The following KIF1A variants were observed in gnomAD, a reference collection of about 807,000 sequenced individuals.
The protein encoded by KIF1A is kinesin family member 1A.
In KIF1A, 46 loss-of-function variants were observed where a neutral mutation model predicts 227.3. The observed-to-expected ratio is 0.20, with a 90% confidence interval of 0.16 to 0.26. The LOEUF is 0.26. Ranked by LOEUF, KIF1A falls within the 10% of genes least tolerant of loss-of-function variation. KIF1A has a pLI of 1.00. For missense variants in KIF1A, 1,683 were observed against 2,485.9 expected (o/e 0.68, Z 6.87); for synonymous variants, 1,022 against 1,012.8 (o/e 1.01, Z -0.17).
At chr2:240,741,035 A>G (rs1346433209) in intron 35 of KIF1A, among the ~76,000 whole-genome samples, 2 of 151,878 alleles carry the variant, frequency 1.3e-5, no homozygotes, top group East Asian at 3.9e-4. Context: ...ACACTAATTC[A>G]GGTGCTTATC....
In KIF1A at chr2:240,770,041, G is replaced by A. The variant is rs759368226; in HGVS notation, c.1342-335C>T. On this transcript the variant is annotated intron_variant, in intron 15 of 48. Coordinates refer to ENST00000498729, the MANE Select transcript of KIF1A (RefSeq NM_001244008.2). ...GCTCAGCCCTCTTCAGGACATGGACGACACTGCCCAACATCAGCCTGGTCT... is the reference window on the plus strand; with the variant it reads ...GCTCAGCCCTCTTCAGGACATGGACAACACTGCCCAACATCAGCCTGGTCT... Among the ~76,000 whole-genome samples, 8 of 152,176 alleles carry A rather than the reference G, an allele frequency of 5.3e-5. No individual in the cohort carries two copies. In the South Asian group the frequency reaches 6.2e-4, roughly 12 times the overall value.
At chr2:240,721,690 T>C in intron 44 of KIF1A, 117 bp downstream of exon 44, 1 of 843,736 alleles carries the variant, frequency 1.2e-6, no homozygotes. Context: ...CTGAGACGTG[T>C]TCCTAGGAAA....
rs769104242 is a variant in KIF1A, at chr2:240,725,967, T to C, written c.4123-563A>G. 2 of 152,438 alleles carry C rather than the reference T, an allele frequency of 1.3e-5. No homozygotes were observed. Among genetic ancestry groups the C allele is most frequent in the Non-Finnish European group, 2.9e-5 (2 of 68,246 alleles). The allele number at this position is 152,438 out of a possible 1,614,324, so 9.4% of individuals were successfully genotyped here. A position where few individuals can be genotyped will look rare whatever the true frequency, so the allele number is the denominator to read the frequency against. On this transcript the variant is annotated intron_variant, in intron 39 of 48. Transcript: ENST00000498729. The surrounding 1 kb of genome is among the most constrained non-coding windows in gnomAD (Gnocchi z 5.8). ...GCAACCTCACCACCATCTGGTGAGATGGTCACACCATCCCCATGTGAAGCT... is the reference window on the plus strand; with the variant it reads ...GCAACCTCACCACCATCTGGTGAGACGGTCACACCATCCCCATGTGAAGCT...
chr2:240,765,872 G>A (rs559556299), intron 19 of KIF1A, 79 bp from the exon 20 acceptor site: 17 of 989,240 alleles, frequency 1.7e-5, no homozygotes, highest in East Asian at 1.2e-4. Flanking sequence ...CCTGGCCCCC[G>A]GGCATGGCCT....
intron 10 of KIF1A, among the ~76,000 whole-genome samples, chr2:240,776,456 C>T (rs1184678857): frequency 1.3e-5 from 2 of 152,244 alleles, no homozygotes; most frequent in East Asian, 3.8e-4. Flanking sequence ...TCCCTATGGT[C>T]CTGCAGAAGC....
chr2:240,786,592 G>C, intron 5 of KIF1A, 79 bp from the exon 6 acceptor site: 1 of 1,392,210 alleles, frequency 7.2e-7, no homozygotes, highest in East Asian at 2.3e-5. Flanking sequence ...CTGAGTGAGG[G>C]GGTAGGGGTC....
rs981057141 is a variant in KIF1A at position 240,736,332 on chromosome 2, C to T, written c.4007+731G>A. Among the ~76,000 whole-genome samples the T allele has an allele frequency of 1.4e-4, 22 of 152,090 alleles. No individual in the cohort carries two copies. Among genetic ancestry groups the T allele is most frequent in the African/African-American group, 5.3e-4 (22 of 41,410 alleles). On this transcript the variant is annotated intron_variant, in intron 38 of 48. Coordinates refer to ENST00000498729, the MANE Select transcript of KIF1A (RefSeq NM_001244008.2). This position sits in a 1 kb window ranked among gnomAD's most constrained non-coding sequence, Gnocchi z 4.7. ...GAGCAGCCAGGACTGGACACTGGAG[C>T]CCCCGCCTCACTTTCCCCAAGCCCC... is the stretch of plus-strand genomic sequence containing the variant.
Position 240,740,485 on chromosome 2 carries a change from T to G in KIF1A, c.3750-121A>C, listed in dbSNP as rs2125747122. ...AGTCAGCAGCTCCCTCTGGTGAAGA[T>G]CAGGTGGTCTGATCCATGGAGACCA... On this transcript the variant is annotated intron_variant, in intron 35 of 48. Transcript: ENST00000498729. This position sits in a 1 kb window ranked among gnomAD's most constrained non-coding sequence, Gnocchi z 6.1. 1 of 802,784 alleles carries G rather than the reference T, an allele frequency of 1.2e-6. No individual in the cohort carries two copies. Among genetic ancestry groups the G allele is most frequent in the East Asian group, 2.6e-5 (1 of 38,826 alleles). 49.7% of individuals were successfully genotyped at this position (802,784 alleles called of 1,614,324 possible).
Position 240,761,303 on chromosome 2 carries a change from G to T in KIF1A, c.2191C>A (p.Leu731Met), listed in dbSNP as rs534009854. 6.2e-7 allele frequency: 1 copy of T among 1,613,868 alleles called. No individual in the cohort carries two copies. Among genetic ancestry groups the T allele is most frequent in the South Asian group, 1.1e-5 (1 of 91,084 alleles). Residue 731 changes from leucine to methionine, a missense_variant, in exon 24 of 49, where the codon CTG (leucine) becomes ATG (methionine). Around this residue, in one of 12 missense-constraint regions of KIF1A, gnomAD observed 217 missense variants for 427.0 expected, o/e 0.51. Coordinates refer to ENST00000498729, the MANE Select transcript of KIF1A (RefSeq NM_001244008.2). ...GCGTTGCCCCACAGCAGGTCCCGCA[G>T]AGACGTGAACTGGTACCACTTCCAC... Reference protein sequence around the residue: ...RKWKWYQFTSLRDLLWGNAIF... With the variant: ...RKWKWYQFTSMRDLLWGNAIF...
intron 1 of KIF1A, among the ~76,000 whole-genome samples, chr2:240,803,041 T>C (rs2057102527): frequency 6.6e-6 from 1 of 152,210 alleles, no homozygotes; most frequent in Non-Finnish European, 1.5e-5. Context: ...ATAAGGCAGA[T>C]GTTCTCTGAC....
intron 9 of KIF1A, 48 bp from the exon 10 acceptor site, chr2:240,782,655 C>T (rs1209343034): frequency 6.5e-7 from 1 of 1,547,826 alleles, no homozygotes; most frequent in South Asian, 1.2e-5. Context: ...GCGAAGCTGG[C>T]GCGGGCTGTG....
Position 240,761,275 on chromosome 2 carries a change from A to T in KIF1A, c.2219T>A (p.Ile740Asn). The T allele has an allele frequency of 6.2e-7, 1 of 1,613,898 alleles. No homozygotes were observed. Among genetic ancestry groups the T allele is most frequent in the Non-Finnish European group, 8.5e-7 (1 of 1,179,842 alleles). The change falls in exon 24 of 49, where the codon ATC (isoleucine) becomes AAC (asparagine). Residue 740 changes from isoleucine to asparagine, a missense_variant. Coordinates refer to ENST00000498729, the MANE Select transcript of KIF1A (RefSeq NM_001244008.2). ...GATGGCATTGGCCTCCTTGAGGAAG[A>T]TGGCGTTGCCCCACAGCAGGTCCCG... ...SLRDLLWGNA[I>N]FLKEANAISV... is the part of the protein sequence containing the mutation.
intron 38 of KIF1A, among the ~76,000 whole-genome samples, chr2:240,731,538 G>A (rs562518384): frequency 3.9e-5 from 6 of 152,346 alleles, no homozygotes; most frequent in African/African-American, 9.6e-5. Context: ...ACCAGACAGC[G>A]TGGCCCTGGA....
chr2:240,756,162 C>T (rs567715067), intron 27 of KIF1A, among the ~76,000 whole-genome samples: 15 of 152,276 alleles, frequency 9.9e-5, no homozygotes, highest in African/African-American at 2.2e-4. Context: ...GTAAACCCTG[C>T]GATCTGGGGC....
At chr2:240,820,673 C>CGGGCG (rs148275667), upstream of KIF1A, among the ~76,000 whole-genome samples, 4,545 of 138,930 alleles carry the variant, frequency 0.033, 208 homozygotes, top group African/African-American at 0.11. This position sits in a 1 kb window ranked among gnomAD's most constrained non-coding sequence, Gnocchi z 6.2. Flanking sequence ...TCGTGGGGGG[C>CGGGCG]GGGCGGGGCT....
Position 240,741,330 on chromosome 2 carries a change from A to G in KIF1A, c.3688T>C (p.Cys1230Arg). 6.3e-7 allele frequency: 1 copy of G among 1,598,364 alleles called. No individual in the cohort carries two copies. The highest frequency in any genetic ancestry group is 1.1e-5 in the South Asian group (1 of 88,924). Reference sequence around the variant, plus strand: ...ACCAGCAGGTCGTACTTGCAGTGGCAGGGTCCCGGACAGGGCCGCGTCAGT... The same window carrying G: ...ACCAGCAGGTCGTACTTGCAGTGGCGGGGTCCCGGACAGGGCCGCGTCAGT... Reference protein sequence around the residue: ...STLTRPCPGPCHCKYDLLVYF... With the variant: ...STLTRPCPGPRHCKYDLLVYF... The change falls in exon 35 of 49, where the codon TGC becomes CGC. Residue 1230 changes from cysteine to arginine, a missense_variant. Coordinates refer to ENST00000498729, the MANE Select transcript of KIF1A (RefSeq NM_001244008.2).
At chr2:240,764,043 T>TC (rs2050847821) in intron 20 of KIF1A, among the ~76,000 whole-genome samples, 1 of 152,158 alleles carries the variant, frequency 6.6e-6, no homozygotes, top group Admixed American at 6.5e-5. Flanking sequence ...CTTGGGACAG[T>TC]CCTGCCTGCA....
chr2:240,791,562 C>T (rs1192601482), intron 2 of KIF1A, among the ~76,000 whole-genome samples: 1 of 149,912 alleles, frequency 6.7e-6, no homozygotes, highest in Non-Finnish European at 1.5e-5. Context: ...AGGTCGGGCT[C>T]CCCGCACAGG....
At chr2:240,724,103 G>C in intron 40 of KIF1A, 67 bp from the exon 41 acceptor site, 1 of 1,413,272 alleles carries the variant, frequency 7.1e-7, no homozygotes, top group African/African-American at 1.4e-5. Flanking sequence ...AGCCAGCCTG[G>C]CTGCTGACTT....
Sources: allele counts gnomAD v4.1 joint callset (sites outside exome capture counted in the v4.1 genomes callset), GRCh38; gene constraint gnomAD v4.1.1; regional missense constraint gnomAD v4.1.1; non-coding constraint Gnocchi (gnomAD v3.1); transcripts MANE v1.5; gene names NCBI Gene and HGNC (gene_info 2026-07-23, HGNC 2026-07-21).